Variants in LMO7 observed in about 807,000 individuals in gnomAD.
LMO7 encodes LIM domain only protein 7.
A neutral mutation model predicts 206.5 loss-of-function variants in LMO7; 120 were observed. The ratio of observed to expected loss-of-function variants is 0.58; its 90% CI spans 0.50 to 0.68. The LOEUF is 0.68. Among genes scored for constraint, LMO7 ranks in the 30% least tolerant of loss-of-function variants. LMO7 has a pLI of 0.00. For missense variants in LMO7, 1,959 were observed against 1,957.9 expected, an observed-to-expected ratio of 1.00 and a Z score of -0.01; for synonymous variants, 706 against 681.5, an observed-to-expected ratio of 1.04 and a Z score of -0.56.
At position 75,647,454 on chromosome 13, in the gene LMO7, A is replaced by G. The variant is rs560454829; in HGVS notation, c.69+10728A>G. ...CATGCCAAATTTACTTTATTTAACCAATTCTAAAGAAGCCTGAAAGTAAGC... is the reference window on the plus strand; with the variant it reads ...CATGCCAAATTTACTTTATTTAACCGATTCTAAAGAAGCCTGAAAGTAAGC... On this transcript the variant is annotated intron_variant, in intron 1 of 30. Transcript: ENST00000377534. Among the ~76,000 whole-genome samples, 6 of 152,316 alleles carry G rather than the reference A, an allele frequency of 3.9e-5. No homozygotes were observed. In the East Asian group the frequency reaches 1.2e-3, roughly 29 times the overall value.
chr13:75,841,346 T>C, intron 23 of LMO7, 145 bp downstream of exon 23: 1 of 637,132 alleles, frequency 1.6e-6, no homozygotes, highest in Admixed American at 3.2e-5. Flanking sequence ...TGAGCTCTGA[T>C]TTGTTAGAAT....
chr13:75,825,490 G>A (rs796492102), intron 15 of LMO7, among the ~76,000 whole-genome samples: 3 of 152,290 alleles, frequency 2.0e-5, no homozygotes, highest in African/African-American at 7.2e-5. Context: ...ACTCAGAGGA[G>A]CTTCAATTAA....
rs767367747 is a variant in LMO7, at chr13:75,834,326, C to T, written c.3165C>T (p.Ala1055=). 1 of 1,611,058 alleles carries T rather than the reference C, an allele frequency of 6.2e-7. No homozygotes were observed. The highest frequency in any genetic ancestry group is 8.5e-7 in the Non-Finnish European group (1 of 1,178,512). The change falls in exon 17 of 31, where the codon GCC becomes GCT. Residue 1055 remains alanine (A), a synonymous_variant. Coordinates refer to ENST00000377534, the MANE Select transcript of LMO7 (RefSeq NM_001306080.2). Reference sequence around the variant, plus strand: ...ACGATTCAAAAGAGTGGGAGGAAGCCATGGCTAAGGCTCAAGAAACTGGAC... The same window carrying T: ...ACGATTCAAAAGAGTGGGAGGAAGCTATGGCTAAGGCTCAAGAAACTGGAC... ...SYNDSKEWEE[A]MAKAQETGHL...
chr13:75,726,333 CTT>C (rs1159336937), intron 2 of LMO7, among the ~76,000 whole-genome samples: 2 of 151,914 alleles, frequency 1.3e-5, no homozygotes, highest in Non-Finnish European at 2.9e-5. Flanking sequence ...AGCTGAGTTT[CTT>C]TTTTATAGAG....
At chr13:75,711,330 G>T (rs1049408111) in intron 1 of LMO7, among the ~76,000 whole-genome samples, 1 of 152,176 alleles carries the variant, frequency 6.6e-6, no homozygotes, top group South Asian at 2.1e-4. Context: ...AGTTAGGGAG[G>T]ACTCCCTCTT....
chr13:75,730,238 G>C (rs1245496611), intron 3 of LMO7, among the ~76,000 whole-genome samples: 1 of 152,098 alleles, frequency 6.6e-6, no homozygotes, highest in Admixed American at 6.5e-5. Context: ...GTAGTATTTG[G>C]CTGTGAATCC....
chr13:75,821,134 AAATGTGTG>A (rs1429980513), intron 13 of LMO7, 35 bp from the exon 14 acceptor site: 1 of 1,486,472 alleles, frequency 6.7e-7, no homozygotes, highest in African/African-American at 1.4e-5. Context: ...TCTGTGTGTC[AAATGTGTG>A]TCTTTGTGGT....
At position 75,807,644 on chromosome 13, in the gene LMO7, T is replaced by C. The variant is rs1301148181; in HGVS notation, c.1361T>C (p.Leu454Pro). Reference protein sequence around the residue: ...YRRDDLEMAALDPDLENDDFF... With the variant: ...YRRDDLEMAAPDPDLENDDFF... ...AGAGATGACCTCGAGATGGCAGCCC[T>C]GGATCCTGACTTAGAGAATGATGAT... The change falls in exon 10 of 31, where the codon CTG (leucine) becomes CCG (proline). Residue 454 changes from leucine to proline, a missense_variant. Leu to Pro is a moderately conservative substitution (Grantham distance 98, BLOSUM62 -3). Transcript: ENST00000377534. 7 of 1,613,904 alleles carry C rather than the reference T, an allele frequency of 4.3e-6. No individual in the cohort carries two copies. The highest frequency in any genetic ancestry group is 1.1e-5 in the South Asian group (1 of 91,084).
At chr13:75,842,639 T>C (rs966192601) in intron 24 of LMO7, among the ~76,000 whole-genome samples, 1 of 152,204 alleles carries the variant, frequency 6.6e-6, no homozygotes, top group African/African-American at 2.4e-5. Context: ...CAGTATGTAT[T>C]TGTAGAATGA....
chr13:75,772,081 C>G (rs972511744), intron 4 of LMO7, among the ~76,000 whole-genome samples: 5 of 152,084 alleles, frequency 3.3e-5, no homozygotes, highest in Non-Finnish European at 5.9e-5. Context: ...CAAGAAATGA[C>G]TCAAGCACAG....
intron 1 of LMO7, among the ~76,000 whole-genome samples, chr13:75,696,554 T>A (rs1460364070): frequency 6.6e-6 from 1 of 152,140 alleles, no homozygotes; most frequent in Non-Finnish European, 1.5e-5. Flanking sequence ...ACTCAAAGTT[T>A]TTCAGAGACC....
At position 75,856,548 on chromosome 13, in the gene LMO7, G is replaced by A; in HGVS notation, c.4813G>A (p.Ala1605Thr). 6.2e-7 allele frequency: 1 copy of A among 1,612,840 alleles called. No homozygotes were observed. The highest frequency in any genetic ancestry group is 8.5e-7 in the Non-Finnish European group (1 of 1,179,114). Residue 1605 changes from alanine to threonine, a missense_variant, in exon 30 of 31, where the codon GCT (alanine) becomes ACT (threonine). Coordinates refer to ENST00000377534, the MANE Select transcript of LMO7 (RefSeq NM_001306080.2). ...ECDLGGSSSG[A>T]EVRIRNHQLY... ...TGACCTCGGAGGCTCTTCCTCAGGA[G>A]CTGAAGTCAGGATCAGAAACCACCA... is the stretch of plus-strand genomic sequence containing the variant.
intron 15 of LMO7, among the ~76,000 whole-genome samples, chr13:75,826,983 A>G (rs1367912050): frequency 6.6e-6 from 1 of 152,044 alleles, no homozygotes; most frequent in Admixed American, 6.6e-5. Context: ...TTGAGGTCCA[A>G]TTATTTCTCA....
At chr13:75,683,909 GAGACCA>G (rs1192645718) in intron 1 of LMO7, among the ~76,000 whole-genome samples, 5 of 152,176 alleles carry the variant, frequency 3.3e-5, no homozygotes, top group South Asian at 4.1e-4. Context: ...AGGGATTGGG[GAGACCA>G]AGGTTTTATG....
At chr13:75,746,599 T>C (rs2046860700) in intron 3 of LMO7, among the ~76,000 whole-genome samples, 1 of 152,236 alleles carries the variant, frequency 6.6e-6, no homozygotes, top group Admixed American at 6.5e-5. Flanking sequence ...TTGATGGATC[T>C]GCCAACAATG....
chr13:75,779,408 G>A (rs1566441192), intron 4 of LMO7, among the ~76,000 whole-genome samples: 1 of 152,128 alleles, frequency 6.6e-6, no homozygotes, highest in Admixed American at 6.5e-5. Flanking sequence ...CATAAAATGG[G>A]AACGTTGAAA....
chr13:75,814,324 T>A (rs1039733740), intron 11 of LMO7, among the ~76,000 whole-genome samples: 5 of 152,244 alleles, frequency 3.3e-5, no homozygotes, highest in Non-Finnish European at 4.4e-5. Flanking sequence ...TGCCTTGTGC[T>A]GCTAATATGT....
intron 25 of LMO7, 74 bp from the exon 26 acceptor site, chr13:75,845,253 G>A (rs141367197): frequency 1.1e-4 from 74 of 695,696 alleles, no homozygotes; most frequent in Admixed American, 4.9e-4. Flanking sequence ...CAATCTCTTC[G>A]GTGTTTTTAC....
intron 14 of LMO7, among the ~76,000 whole-genome samples, 172 bp downstream of exon 14, chr13:75,821,781 C>G (rs981574236): frequency 3.9e-5 from 6 of 152,094 alleles, no homozygotes; most frequent in African/African-American, 1.2e-4. Flanking sequence ...TAAGATATAT[C>G]AATGATACAG....
Sources: gnomAD v4.1 joint callset for allele counts (sites outside exome capture counted in the v4.1 genomes callset) on GRCh38, gnomAD v4.1.1 for gene constraint, MANE v1.5 for transcripts, NCBI Gene and HGNC (gene_info 2026-07-23, HGNC 2026-07-21) for gene names.